Variants in MYZAP observed in about 807,000 individuals in gnomAD.
MYZAP encodes myocardial zonula adherens protein, also known as GRINL1A complex locus upstream.
A neutral mutation model predicts 69.4 loss-of-function variants in MYZAP; 66 were observed. That is an observed-to-expected ratio of 0.95 (90% CI 0.78 to 1.17). The LOEUF is 1.17. Ranked by LOEUF, MYZAP falls within the 50% of genes most tolerant of loss-of-function variation. MYZAP has a pLI of 0.00. For missense variants in MYZAP, 611 were observed against 556.2 expected (o/e 1.10, Z -0.99); for synonymous variants, 256 against 205.9 (o/e 1.24, Z -2.09).
intron 3 of MYZAP, among the ~76,000 whole-genome samples, chr15:57,618,784 T>TTC (rs1253570337): frequency 1.3e-5 from 2 of 152,252 alleles, no homozygotes; most frequent in East Asian, 1.9e-4. Context: ...TATTTTCTTC[T>TTC]TCTCTCTCTC....
intron 8 of MYZAP, among the ~76,000 whole-genome samples, chr15:57,635,223 C>T (rs1226611637): frequency 4.6e-5 from 7 of 152,178 alleles, no homozygotes; most frequent in African/African-American, 7.2e-5. Context: ...GATAATGGTA[C>T]TTCTTATTCT....
chr15:57,674,846 A>G, intron 11 of MYZAP, 122 bp from the exon 12 acceptor site: 1 of 778,886 alleles, frequency 1.3e-6, no homozygotes, highest in Non-Finnish European at 2.0e-6. Flanking sequence ...TGCTCTGTAA[A>G]TACATTGTGA....
chr15:57,648,027 A>T, intron 10 of MYZAP: 5 of 985,288 alleles, frequency 5.1e-6, no homozygotes, highest in Non-Finnish European at 4.8e-6. Context: ...CACCCAAAGG[A>T]GGTGCTACTC....
At chr15:57,596,759 C>T (rs904083409) in intron 1 of MYZAP, among the ~76,000 whole-genome samples, 14 of 152,192 alleles carry the variant, frequency 9.2e-5, no homozygotes, top group African/African-American at 1.9e-4. Context: ...TATTCCAAAT[C>T]GTTTGCCATT....
At chr15:57,683,483 C>T (rs1042706100) in intron 12 of MYZAP, among the ~76,000 whole-genome samples, 25 of 152,198 alleles carry the variant, frequency 1.6e-4, no homozygotes, top group Admixed American at 7.9e-4. Flanking sequence ...CACCAGGTGA[C>T]AAGTCCCTTG....
chr15:57,662,147 G>T (rs898422902), intron 11 of MYZAP, among the ~76,000 whole-genome samples: 4 of 152,158 alleles, frequency 2.6e-5, no homozygotes, highest in South Asian at 2.1e-4. Flanking sequence ...TGGGGATTTT[G>T]TATATGTTCC....
intron 2 of MYZAP, among the ~76,000 whole-genome samples, chr15:57,617,561 G>A (rs1234027672): frequency 2.6e-5 from 4 of 152,068 alleles, no homozygotes; most frequent in African/African-American, 9.7e-5. Flanking sequence ...CCTTTTCTTA[G>A]AACTTGGCCC....
chr15:57,646,018 C>A, intron 10 of MYZAP: 3 of 444,716 alleles, frequency 6.7e-6, no homozygotes, highest in South Asian at 2.0e-5. Flanking sequence ...TACTAAATGC[C>A]CTGTGTTTAG....
chr15:57,637,590 G>T, intron 8 of MYZAP, 105 bp from the exon 9 acceptor site: 1 of 1,249,648 alleles, frequency 8.0e-7, no homozygotes, highest in Non-Finnish European at 1.1e-6. Context: ...AAAACCCAGG[G>T]GGTGTCATAT....
intron 10 of MYZAP, among the ~76,000 whole-genome samples, chr15:57,649,310 C>T (rs1365582893): frequency 6.6e-6 from 1 of 152,212 alleles, no homozygotes; most frequent in Non-Finnish European, 1.5e-5. Context: ...ACATACCTTT[C>T]CACCAGTCAC....
intron 11 of MYZAP, 62 bp downstream of exon 11, chr15:57,661,595 C>T (rs770925242): frequency 7.9e-6 from 11 of 1,384,132 alleles, no homozygotes; most frequent in African/African-American, 2.9e-5. Context: ...TGTTGCTAAG[C>T]CTACCACCGA....
Position 57,618,186 on chromosome 15 carries a change from G to T in MYZAP, c.316G>T (p.Asp106Tyr). 1.2e-6 allele frequency: 2 copies of T among 1,613,160 alleles called. No individual in the cohort carries two copies. Among genetic ancestry groups the T allele is most frequent in the Non-Finnish European group, 1.7e-6 (2 of 1,179,714 alleles). ...QLKEEMNYIK[D>Y]VRATLEKVRK... ...GAAAGAAGAGATGAACTACATCAAA[G>T]ATGTGAGCCATTTAAGAGTTTTTGC... is the stretch of plus-strand genomic sequence containing the variant. The change falls in exon 3 of 13, where the codon GAT (aspartate) becomes TAT (tyrosine). Residue 106 changes from aspartate (D) to tyrosine (Y), a missense_variant and splice_region_variant. By Grantham distance (160) the Asp-to-Tyr change is radical. Transcript: ENST00000267853.
chr15:57,632,077 G>A (rs2036538926), intron 6 of MYZAP, among the ~76,000 whole-genome samples: 1 of 152,196 alleles, frequency 6.6e-6, no homozygotes, highest in African/African-American at 2.4e-5. Context: ...GAAAGGGTGA[G>A]TCCAGATTTC....
At chr15:57,609,065 C>G (rs1347003985) in intron 2 of MYZAP, among the ~76,000 whole-genome samples, 1 of 152,184 alleles carries the variant, frequency 6.6e-6, no homozygotes, top group African/African-American at 2.4e-5. Flanking sequence ...GCTAAGAACT[C>G]CACATAGGTA....
chr15:57,683,208 C>T (rs1446547872), intron 12 of MYZAP, among the ~76,000 whole-genome samples: 1 of 152,150 alleles, frequency 6.6e-6, no homozygotes, highest in Non-Finnish European at 1.5e-5. Context: ...CCGCCAACTA[C>T]CAAGCTGCAG....
At chr15:57,625,181 C>T (rs1308835372) in intron 4 of MYZAP, among the ~76,000 whole-genome samples, 7 of 151,998 alleles carry the variant, frequency 4.6e-5, no homozygotes, top group African/African-American at 1.5e-4. Context: ...TCAAGCGATT[C>T]GCCTGCCTCA....
At chr15:57,627,275 G>T (rs1273106707) in intron 5 of MYZAP, among the ~76,000 whole-genome samples, 1 of 151,828 alleles carries the variant, frequency 6.6e-6, no homozygotes, top group Non-Finnish European at 1.5e-5. Context: ...CACCTTGACT[G>T]ATTCCTAGTT....
intron 11 of MYZAP, among the ~76,000 whole-genome samples, chr15:57,673,374 TA>T (rs1172956717): frequency 6.6e-6 from 1 of 152,138 alleles, no homozygotes; most frequent in Admixed American, 6.5e-5. Context: ...TCTCTTTTTT[TA>T]TAAATTGGAG....
Position 57,629,605 on chromosome 15 carries a change from C to G in MYZAP, c.526-97C>G, listed in dbSNP as rs904496871. 40 of 1,488,186 alleles carry G rather than the reference C, an allele frequency of 2.7e-5. No individual in the cohort carries two copies. The Middle Eastern group carries it at 8.9e-4, about 33-fold the overall frequency. The allele number at this position is 1,488,186 out of a possible 1,614,324, so 92.2% of individuals were successfully genotyped here. On this transcript the variant is annotated intron_variant, in intron 5 of 12. Coordinates refer to ENST00000267853, the MANE Select transcript of MYZAP (RefSeq NM_001018100.5). ...GTTGCTGTAGCCTAGGACAGCTACCCCAGTGCTTAATGATAAGGGGATGCC... is the reference window on the plus strand; with the variant it reads ...GTTGCTGTAGCCTAGGACAGCTACCGCAGTGCTTAATGATAAGGGGATGCC...
Sources: allele counts gnomAD v4.1 joint callset (sites outside exome capture counted in the v4.1 genomes callset), GRCh38; gene constraint gnomAD v4.1.1; transcripts MANE v1.5; gene names NCBI Gene and HGNC (gene_info 2026-07-23, HGNC 2026-07-21).